The following MFSD1 variants were observed in gnomAD, a reference collection of about 807,000 sequenced individuals.
MFSD1 encodes lysosomal dipeptide transporter MFSD1.
In MFSD1, 59 loss-of-function variants were observed where a neutral mutation model predicts 67.1. The ratio of observed to expected loss-of-function variants is 0.88; its 90% confidence interval spans 0.71 to 1.09. MFSD1 has a LOEUF of 1.09. Among genes scored for constraint, MFSD1 ranks in the 50% least tolerant of loss-of-function variants. The probability of loss-of-function intolerance (pLI) is 0.00; values close to 1 mark genes in which losing one functional copy is unlikely to be tolerated. For synonymous variants in MFSD1, 213 were observed against 200.3 expected, an observed-to-expected ratio of 1.06 and a Z score of -0.54; for missense variants, 552 against 566.1, an observed-to-expected ratio of 0.97 and a Z score of 0.25.
intron 5 of MFSD1, chr3:158,808,972 A>G (rs1729864100): frequency 4.5e-6 from 2 of 443,964 alleles, no homozygotes; most frequent in East Asian, 6.7e-5. Context: ...GTCACCTTTT[A>G]TAACTGAGCC....
intron 15 of MFSD1, among the ~76,000 whole-genome samples, chr3:158,828,423 TTAAAA>T (rs1191663406): frequency 6.6e-6 from 1 of 152,112 alleles, no homozygotes; most frequent in African/African-American, 2.4e-5. Context: ...CAAATACATC[TTAAAA>T]TAATCAGAAG....
chr3:158,812,504 G>A (rs1359036084), intron 6 of MFSD1, among the ~76,000 whole-genome samples: 1 of 152,112 alleles, frequency 6.6e-6, no homozygotes, highest in Non-Finnish European at 1.5e-5. Flanking sequence ...AAGCCCCTGA[G>A]ATTCCCTTCT....
intron 2 of MFSD1, among the ~76,000 whole-genome samples, chr3:158,804,923 A>G (rs549927626): frequency 1.3e-5 from 2 of 152,232 alleles, no homozygotes; most frequent in South Asian, 4.1e-4. Context: ...GACCCTTTTC[A>G]TTCTAGAATG....
intron 7 of MFSD1, among the ~76,000 whole-genome samples, chr3:158,817,394 A>G (rs1730423023): frequency 6.6e-6 from 1 of 152,218 alleles, no homozygotes; most frequent in African/African-American, 2.4e-5. Context: ...AAGCAACTTC[A>G]GCAAAGTCTC....
intron 2 of MFSD1, among the ~76,000 whole-genome samples, chr3:158,804,754 T>C (rs1219076557): frequency 1.3e-5 from 2 of 152,244 alleles, no homozygotes; most frequent in East Asian, 3.8e-4. Context: ...TATTTTGTTT[T>C]TTAAATGTGG....
rs561540281 is a variant in MFSD1, at chr3:158,816,339, C to A, written c.652+2272C>A. Among the ~76,000 whole-genome samples the A allele has an allele frequency of 1.2e-3, 189 of 152,242 alleles. 1 individual carries two copies. The highest frequency in any genetic ancestry group is 2.5e-3 in the Admixed American group (38 of 15,292). On this transcript the variant is annotated intron_variant, in intron 7 of 15. Coordinates refer to ENST00000415822, the MANE Select transcript of MFSD1 (RefSeq NM_022736.4). ...TGTTGTTTCCTGACTTTTTAATGAT[C>A]GCCATTGTAACTGGTGTGAGATGGT...
intron 14 of MFSD1, 55 bp downstream of exon 14, chr3:158,826,117 G>T (rs1303233808): frequency 4.8e-6 from 7 of 1,469,484 alleles, no homozygotes; most frequent in Non-Finnish European, 6.7e-6. Flanking sequence ...ATCTTGTGGG[G>T]TCTCTGGGTC....
At chr3:158,823,032 C>T (rs1160743437) in intron 11 of MFSD1, 1 of 197,268 alleles carries the variant, frequency 5.1e-6, no homozygotes, top group African/African-American at 2.3e-5. Flanking sequence ...GGATGATGGA[C>T]TGTTGGCATG....
chr3:158,817,194 A>G (rs1730411303), intron 7 of MFSD1, among the ~76,000 whole-genome samples: 2 of 152,210 alleles, frequency 1.3e-5, no homozygotes. Flanking sequence ...GGCACAAGAC[A>G]GGGATGCCCT....
intron 8 of MFSD1, 52 bp from the exon 9 acceptor site, chr3:158,820,163 C>T: frequency 2.1e-6 from 2 of 946,452 alleles, no homozygotes; most frequent in South Asian, 2.8e-5. Context: ...TAGATGAAAG[C>T]TCCTTAGGTA....
chr3:158,802,622 C>G, intron 1 of MFSD1: 1 of 634,452 alleles, frequency 1.6e-6, no homozygotes, highest in South Asian at 1.5e-5. Flanking sequence ...GAAGGTAACT[C>G]CAGATTTTCA....
chr3:158,822,987 G>A (rs1254103947), intron 11 of MFSD1: 1 of 162,152 alleles, frequency 6.2e-6, no homozygotes, highest in Non-Finnish European at 1.4e-5. Context: ...ACCAAGCATT[G>A]GTGGTGATTA....
chr3:158,813,958 C>A lies in MFSD1; in HGVS notation c.550-7C>A. 1.3e-6 allele frequency: 2 copies of A among 1,578,348 alleles called. No homozygotes were observed. The highest frequency in any genetic ancestry group is 2.3e-5 in the East Asian group (1 of 44,372). ...ATGCTGTTGTTTTTTTTTCCCTTCTCATTTAGGGAAGTACAGTAAACATGA... is the reference window on the plus strand; with the variant it reads ...ATGCTGTTGTTTTTTTTTCCCTTCTAATTTAGGGAAGTACAGTAAACATGA... On this transcript the variant is annotated splice_region_variant and splice_polypyrimidine_tract_variant and intron_variant, in intron 6 of 15. Transcript: ENST00000415822.
chr3:158,809,617 G>A (rs1026158835), intron 6 of MFSD1, among the ~76,000 whole-genome samples: 1 of 152,162 alleles, frequency 6.6e-6, no homozygotes, highest in Non-Finnish European at 1.5e-5. Flanking sequence ...TCCAGGTTCA[G>A]TTTGCAATAT....
At chr3:158,804,025 A>G (rs533372937) in intron 1 of MFSD1, among the ~76,000 whole-genome samples, 3 of 152,362 alleles carry the variant, frequency 2.0e-5, no homozygotes, top group East Asian at 1.9e-4. Context: ...GAAGATATTA[A>G]TAAAATAGTA....
In MFSD1 at chr3:158,809,287, T is replaced by G. The variant is rs1309147415; in HGVS notation, c.549T>G (p.Ile183Met). ...GACTTCAACTTAGCATGGCTAGAAT[T>G]GTAAGTATAATGAAAAGCCTGATGA... ...VFGLQLSMAR[I>M]GSTVNMNLMG... The change falls in exon 6 of 16, where the codon ATT (isoleucine) becomes ATG (methionine). Residue 183 changes from isoleucine to methionine, a missense_variant and splice_region_variant. Coordinates refer to ENST00000415822, the MANE Select transcript of MFSD1 (RefSeq NM_022736.4). 3 of 1,586,464 alleles carry G rather than the reference T, an allele frequency of 1.9e-6. No individual in the cohort carries two copies. The highest frequency in any genetic ancestry group is 4.5e-5 in the East Asian group (2 of 44,724).
chr3:158,809,002 T>C (rs1729865213), intron 5 of MFSD1, 177 bp from the exon 6 acceptor site: 3 of 496,846 alleles, frequency 6.0e-6, no homozygotes. Context: ...CACTGTCTCA[T>C]TTCCACCATA....
At chr3:158,825,856 G>A (rs1353528197) in intron 13 of MFSD1, among the ~76,000 whole-genome samples, 159 bp from the exon 14 acceptor site, 2 of 152,096 alleles carry the variant, frequency 1.3e-5, no homozygotes, top group African/African-American at 4.8e-5. Flanking sequence ...CTTATTTTTA[G>A]TGCTTTTGGA....
At chr3:158,814,794 T>G (rs1730230521) in intron 7 of MFSD1, among the ~76,000 whole-genome samples, 1 of 152,092 alleles carries the variant, frequency 6.6e-6, no homozygotes, top group Non-Finnish European at 1.5e-5. Context: ...AATTAAAAGT[T>G]TATAGCAGCC....
Sources: allele counts gnomAD v4.1 joint callset (sites outside exome capture counted in the v4.1 genomes callset), GRCh38; gene constraint gnomAD v4.1.1; transcripts MANE v1.5; gene names NCBI Gene and HGNC (gene_info 2026-07-23, HGNC 2026-07-21).